Variants in CCSER1 observed in about 807,000 individuals in gnomAD.
CCSER1 encodes serine-rich coiled-coil domain-containing protein 1.
CCSER1 carries 41 observed loss-of-function variants against 82.0 expected under a neutral mutation model. The observed-to-expected ratio is 0.50, with a 90% CI of 0.39 to 0.65. CCSER1 has a LOEUF of 0.65. Among genes scored for constraint, CCSER1 ranks in the 30% least tolerant of loss-of-function variants. CCSER1 has a pLI of 0.00. For missense variants in CCSER1, 1,119 were observed against 1,064.2 expected (o/e 1.05, Z -0.72); for synonymous variants, 414 against 383.9 (o/e 1.08, Z -0.92).
chr4:91,356,451 T>G (rs1424661175), intron 10 of CCSER1, among the ~76,000 whole-genome samples: 3 of 152,390 alleles, frequency 2.0e-5, no homozygotes, highest in South Asian at 2.1e-4. Context: ...CTGGTATTCC[T>G]TGTGGGGCTC....
intron 4 of CCSER1, among the ~76,000 whole-genome samples, chr4:90,433,312 T>C (rs967191): frequency 6.6e-6 from 1 of 152,092 alleles, no homozygotes; most frequent in African/African-American, 2.4e-5. Flanking sequence ...TTTTACATGT[T>C]CTAATATCTT....
chr4:90,454,427 A>G (rs1473246997), intron 4 of CCSER1, among the ~76,000 whole-genome samples: 2 of 152,102 alleles, frequency 1.3e-5, no homozygotes, highest in African/African-American at 4.8e-5. Context: ...ATAGAGAGGT[A>G]TGCTTTACCA....
At chr4:91,029,059 A>G (rs1407941385) in intron 9 of CCSER1, among the ~76,000 whole-genome samples, 1 of 152,022 alleles carries the variant, frequency 6.6e-6, no homozygotes, top group Non-Finnish European at 1.5e-5. Flanking sequence ...ATTATATGTA[A>G]ATGCATTGAA....
chr4:90,153,176 A>G (rs1444054785), intron 1 of CCSER1, among the ~76,000 whole-genome samples: 1 of 151,110 alleles, frequency 6.6e-6, no homozygotes, highest in Non-Finnish European at 1.5e-5. Context: ...GAGAATGATG[A>G]TTTCCAATTT....
At chr4:90,718,920 A>G (rs761765380) in intron 6 of CCSER1, among the ~76,000 whole-genome samples, 2 of 152,162 alleles carry the variant, frequency 1.3e-5, no homozygotes, top group Non-Finnish European at 2.9e-5. Flanking sequence ...TTAAAAAACC[A>G]TCATTGGTGC....
intron 5 of CCSER1, among the ~76,000 whole-genome samples, chr4:90,547,126 A>T (rs913186840): frequency 6.6e-6 from 1 of 151,816 alleles, no homozygotes; most frequent in Non-Finnish European, 1.5e-5. Flanking sequence ...TTCATATGAG[A>T]TAAGTTTTAG....
chr4:91,533,676 T>C (rs1761147783), intron 10 of CCSER1, among the ~76,000 whole-genome samples: 1 of 152,100 alleles, frequency 6.6e-6, no homozygotes, highest in African/African-American at 2.4e-5. Flanking sequence ...TGAAAACCCC[T>C]TTTGTTTGAT....
At chr4:91,552,551 C>T (rs1762205115) in intron 10 of CCSER1, among the ~76,000 whole-genome samples, 1 of 151,532 alleles carries the variant, frequency 6.6e-6, no homozygotes. Flanking sequence ...CCCTCTAAGA[C>T]AGTGTATTTG....
At chr4:90,949,888 C>T (rs557127616) in intron 9 of CCSER1, among the ~76,000 whole-genome samples, 13 of 152,090 alleles carry the variant, frequency 8.5e-5, no homozygotes, top group Middle Eastern at 3.4e-3. Flanking sequence ...CCCTACTGTA[C>T]GGATGAACAT....
At chr4:90,786,645 T>C (rs1754558390) in intron 7 of CCSER1, among the ~76,000 whole-genome samples, 4 of 152,238 alleles carry the variant, frequency 2.6e-5, no homozygotes, top group African/African-American at 9.6e-5. Flanking sequence ...GACTTTTGTG[T>C]ACAGAAAATC....
chr4:90,737,042 G>C (rs58313013), intron 7 of CCSER1, among the ~76,000 whole-genome samples: 22,516 of 151,926 alleles, frequency 0.15, 2,630 homozygotes, highest in African/African-American at 0.32. Context: ...ACTTTTTACT[G>C]TTTGCATTTA....
chr4:90,247,426 AAT>A (rs1269086520), intron 1 of CCSER1, among the ~76,000 whole-genome samples: 2 of 152,134 alleles, frequency 1.3e-5, no homozygotes, highest in Non-Finnish European at 2.9e-5. Flanking sequence ...ATAACAAGAA[AAT>A]ATATTGAAGA....
chr4:90,747,594 G>A (rs907873013), intron 7 of CCSER1, among the ~76,000 whole-genome samples: 1 of 151,624 alleles, frequency 6.6e-6, no homozygotes, highest in Non-Finnish European at 1.5e-5. Context: ...CTCTTTCTCG[G>A]TTTTGCCTGA....
chr4:90,239,083 G>A (rs192204252), intron 1 of CCSER1, among the ~76,000 whole-genome samples: 13 of 152,220 alleles, frequency 8.5e-5, no homozygotes, highest in Admixed American at 2.0e-4. Flanking sequence ...ACTCCTGACC[G>A]CAGGTGATCC....
chr4:90,993,833 T>C (rs997128514), intron 9 of CCSER1, among the ~76,000 whole-genome samples: 3 of 152,120 alleles, frequency 2.0e-5, no homozygotes, highest in Non-Finnish European at 4.4e-5. Context: ...AACATACGAA[T>C]TTTGAGAAGA....
At chr4:90,707,489 C>A (rs1739595295) in intron 6 of CCSER1, among the ~76,000 whole-genome samples, 1 of 150,804 alleles carries the variant, frequency 6.6e-6, no homozygotes, top group Admixed American at 6.6e-5. Context: ...TCTCTCATAG[C>A]CCATATCCAA....
At chr4:90,631,805 A>T (rs1270651839) in intron 6 of CCSER1, among the ~76,000 whole-genome samples, 1 of 152,194 alleles carries the variant, frequency 6.6e-6, no homozygotes, top group Admixed American at 6.5e-5. Flanking sequence ...GGAAAATTCC[A>T]CATATAAGTA....
chr4:90,526,597 C>T (rs1475672800), intron 5 of CCSER1, among the ~76,000 whole-genome samples: 1 of 152,136 alleles, frequency 6.6e-6, no homozygotes, highest in African/African-American at 2.4e-5. Flanking sequence ...GTTCAATTCC[C>T]ACTTATGAGT....
intron 10 of CCSER1, among the ~76,000 whole-genome samples, chr4:91,574,748 G>A (rs1763362303): frequency 6.6e-6 from 1 of 151,944 alleles, no homozygotes; most frequent in African/African-American, 2.4e-5. Flanking sequence ...CATTAGGGAG[G>A]GAGGAGGGGA....
Sources: allele counts gnomAD v4.1 joint callset (sites outside exome capture counted in the v4.1 genomes callset), GRCh38; gene constraint gnomAD v4.1.1; transcripts MANE v1.5; gene names NCBI Gene and HGNC (gene_info 2026-07-23, HGNC 2026-07-21).